Variants in ETS2 observed in about 807,000 individuals in gnomAD.
ETS2 encodes the protein protein C-ets-2.
ETS2 carries 19 observed loss-of-function variants against 54.9 expected under a neutral mutation model. That is an observed-to-expected ratio of 0.35 (90% CI 0.24 to 0.51). The LOEUF (loss-of-function observed/expected upper bound fraction) is 0.51, where lower values mean the gene tolerates loss of function less well. ETS2 is among the 20% of genes least tolerant of loss of function. The pLI is 0.97. For missense variants in ETS2, 417 were observed against 593.0 expected (o/e 0.70, Z 3.08); for synonymous variants, 219 against 229.3 (o/e 0.95, Z 0.41).
chr21:38,822,801 G>T lies in ETS2; in HGVS notation c.1322G>T (p.Arg441Leu), dbSNP rs1242969238. The T allele has an allele frequency of 6.2e-7, 1 of 1,613,822 alleles. No individual in the cohort carries two copies. Residue 441 changes from arginine (R) to leucine (L), a missense_variant, in exon 10 of 10, where the codon CGC (arginine) becomes CTC (leucine). Arg to Leu is a moderately radical substitution (Grantham distance 102). Around this residue, in one of 3 missense-constraint regions of ETS2, gnomAD observed 60 missense variants for 134.1 expected, o/e 0.45. Transcript: ENST00000360938. ...ACGTCGGGGAAGCGCTACGTGTACC[G>T]CTTCGTGTGCGACCTCCAGAACTTG... ...HKTSGKRYVY[R>L]FVCDLQNLLG...
chr21:38,808,733 T>G (rs551183095), intron 1 of ETS2, among the ~76,000 whole-genome samples: 1 of 152,290 alleles, frequency 6.6e-6, no homozygotes, highest in East Asian at 1.9e-4. Flanking sequence ...CCTTTGTTAT[T>G]TCGCCACATC....
At chr21:38,805,380 C>T, upstream of ETS2, 2 of 1,288,910 alleles carry the variant, frequency 1.6e-6, no homozygotes, top group South Asian at 2.5e-5. The surrounding 1 kb of genome is among the most constrained non-coding windows in gnomAD (Gnocchi z 5.2). Context: ...CCTTATTACC[C>T]AAGCCCGGCT....
chr21:38,808,077 G>C (rs985136406), intron 1 of ETS2, among the ~76,000 whole-genome samples: 11 of 152,110 alleles, frequency 7.2e-5, no homozygotes, highest in African/African-American at 2.7e-4. Context: ...ATGTTCTCCC[G>C]GCACAGAGGA....
At chr21:38,812,880 T>TTCCATAAACTG in intron 2 of ETS2, 123 bp from the exon 3 acceptor site, 2 of 657,062 alleles carry the variant, frequency 3.0e-6, no homozygotes, top group Non-Finnish European at 2.8e-6. Flanking sequence ...ATTCCATGTT[T>TTCCATAAACTG]GCTTCAAAAT....
intron 2 of ETS2, among the ~76,000 whole-genome samples, chr21:38,811,526 A>C (rs147401369): frequency 0.013 from 1,914 of 152,326 alleles, 45 homozygotes; most frequent in African/African-American, 0.043. Flanking sequence ...TTGATGACTC[A>C]ACAGATGGGT....
chr21:38,807,007 G>C (rs2060896093), intron 1 of ETS2, among the ~76,000 whole-genome samples: 1 of 152,208 alleles, frequency 6.6e-6, no homozygotes, highest in South Asian at 2.1e-4. Flanking sequence ...TAATTCGCCA[G>C]TAAGAGATTA....
At chr21:38,812,879 T>TGA in intron 2 of ETS2, 124 bp from the exon 3 acceptor site, 2 of 655,968 alleles carry the variant, frequency 3.0e-6, no homozygotes, top group Non-Finnish European at 2.8e-6. Flanking sequence ...GATTCCATGT[T>TGA]TGCTTCAAAA....
At chr21:38,818,753 G>T in intron 7 of ETS2, 107 bp downstream of exon 7, 2 of 1,297,510 alleles carry the variant, frequency 1.5e-6, no homozygotes, top group Non-Finnish European at 2.2e-6. Context: ...CATTAGAGAA[G>T]GGGGTCAAAG....
At chr21:38,813,846 G>A (rs572985719) in intron 3 of ETS2, among the ~76,000 whole-genome samples, 91 of 152,282 alleles carry the variant, frequency 6.0e-4, no homozygotes, top group African/African-American at 1.8e-3. Context: ...TTCCATTACC[G>A]TGCTAAGTGC....
At chr21:38,809,285 C>T (rs1398165772) in intron 1 of ETS2, among the ~76,000 whole-genome samples, 1 of 152,126 alleles carries the variant, frequency 6.6e-6, no homozygotes, top group African/African-American at 2.4e-5. Flanking sequence ...CAAGTGGGTA[C>T]CATATTGCTT....
rs1280673132 is a variant in ETS2, at chr21:38,814,276, C to T, written c.188C>T (p.Ser63Phe). Residue 63 changes from serine to phenylalanine, a missense_variant, in exon 4 of 10, where the codon TCC becomes TTC. This residue lies in a region of ETS2 where 326 missense variants were observed against 426.1 expected (regional missense o/e 0.76). Coordinates refer to ENST00000360938, the MANE Select transcript of ETS2 (RefSeq NM_005239.6). This position sits in a 1 kb window ranked among gnomAD's most constrained non-coding sequence, Gnocchi z 4.2. ...PTGLDSISHD[S>F]ANCELPLLTP... Reference sequence around the variant, plus strand: ...CCCATGGGGGGTTTCCTTCCAGACTCCGCCAACTGTGAATTGCCTTTGTTA... The same window carrying T: ...CCCATGGGGGGTTTCCTTCCAGACTTCGCCAACTGTGAATTGCCTTTGTTA... 3.7e-6 allele frequency: 6 copies of T among 1,613,936 alleles called. No individual in the cohort carries two copies. Among genetic ancestry groups the T allele is most frequent in the Non-Finnish European group, 5.1e-6 (6 of 1,179,966 alleles).
chr21:38,805,250 G>T, upstream of ETS2: 1 of 988,224 alleles, frequency 1.0e-6, no homozygotes, highest in Non-Finnish European at 1.3e-6. This position sits in a 1 kb window ranked among gnomAD's most constrained non-coding sequence, Gnocchi z 5.2. Flanking sequence ...ACGACTCGGG[G>T]ACACAGCCAG....
Position 38,822,992 on chromosome 21 carries a change from G to A in ETS2, c.*103G>A. 1 of 953,268 alleles carries A rather than the reference G, an allele frequency of 1.0e-6. No individual in the cohort carries two copies. Among genetic ancestry groups the A allele is most frequent in the South Asian group, 2.0e-5 (1 of 50,262 alleles). The allele number at this position is 953,268 out of a possible 1,614,324, so 59.1% of individuals were successfully genotyped here. A position where few individuals can be genotyped will look rare whatever the true frequency, so the allele number is the denominator to read the frequency against. ...ACCCAGGAAAGGCAGGATTGAAAAT[G>A]TCCAGGAAAGTGGCCAAGAAGCAGT... On this transcript the variant is annotated 3_prime_UTR_variant, in exon 10 of 10. Coordinates refer to ENST00000360938, the MANE Select transcript of ETS2 (RefSeq NM_005239.6).
intron 6 of ETS2, among the ~76,000 whole-genome samples, chr21:38,818,091 T>C (rs1377786828): frequency 6.6e-6 from 1 of 152,210 alleles, no homozygotes; most frequent in Admixed American, 6.5e-5. Flanking sequence ...GACACGTCAC[T>C]TGGTCTGTCT....
At chr21:38,816,332 A>G (rs1178650045) in intron 5 of ETS2, among the ~76,000 whole-genome samples, 1 of 151,886 alleles carries the variant, frequency 6.6e-6, no homozygotes, top group African/African-American at 2.4e-5. Context: ...AAAGACCCTC[A>G]TTTCTTCTGA....
chr21:38,820,620 G>A (rs2060954114), intron 8 of ETS2, among the ~76,000 whole-genome samples: 2 of 152,180 alleles, frequency 1.3e-5, no homozygotes, highest in South Asian at 4.1e-4. Context: ...AGTTAAGTAG[G>A]CATACAGTCT....
rs778912960 is a variant in ETS2 at position 38,818,496 on chromosome 21, A to G, written c.661A>G (p.Met221Val). The change falls in exon 7 of 10, where the codon ATG becomes GTG. Residue 221 changes from methionine to valine, a missense_variant. By Grantham distance (21) the Met-to-Val change is conservative. This residue lies in a region of ETS2 where 326 missense variants were observed against 426.1 expected (regional missense o/e 0.76). Coordinates refer to ENST00000360938, the MANE Select transcript of ETS2 (RefSeq NM_005239.6). ...CCCCAAAGGCGGCCTCCTGGACAGC[A>G]TGTGTCCGGCCTCCACACCCAGCGT... ...NYPKGGLLDS[M>V]CPASTPSVLS... is the part of the protein sequence containing the mutation. The G allele has an allele frequency of 1.9e-6, 3 of 1,614,062 alleles. No individual in the cohort carries two copies. The highest frequency in any genetic ancestry group is 2.5e-6 in the Non-Finnish European group (3 of 1,180,050).
In ETS2 at chr21:38,806,780, T is replaced by C; in HGVS notation, c.-1+660T>C. On this transcript the variant is annotated intron_variant, in intron 1 of 9. Coordinates refer to ENST00000360938, the MANE Select transcript of ETS2 (RefSeq NM_005239.6). This position sits in a 1 kb window ranked among gnomAD's most constrained non-coding sequence, Gnocchi z 4.3. Reference sequence around the variant, plus strand: ...TGGTTGCGCTGGGCTGCCTTTATTTTCTCGTTCCTACAGCATTTGAATGAA... The same window carrying C: ...TGGTTGCGCTGGGCTGCCTTTATTTCCTCGTTCCTACAGCATTTGAATGAA... 1 of 985,478 alleles carries C rather than the reference T, an allele frequency of 1.0e-6. No homozygotes were observed. The highest frequency in any genetic ancestry group is 1.2e-6 in the Non-Finnish European group (1 of 829,962). 61.0% of individuals were successfully genotyped at this position (985,478 alleles called of 1,614,324 possible).
In ETS2 at chr21:38,817,000, C is replaced by T. The variant is rs2060938041; in HGVS notation, c.506-8C>T. 1.9e-6 allele frequency: 3 copies of T among 1,583,782 alleles called. No homozygotes were observed. The highest frequency in any genetic ancestry group is 2.6e-6 in the Non-Finnish European group (3 of 1,152,518). ...TGCCATCTTACGTCTCCTGTGTCTGCTTTTCAGAAAACCAAGAAAAGACAG... is the reference window on the plus strand; with the variant it reads ...TGCCATCTTACGTCTCCTGTGTCTGTTTTTCAGAAAACCAAGAAAAGACAG... On this transcript the variant is annotated splice_polypyrimidine_tract_variant and splice_region_variant and intron_variant, in intron 5 of 9. Coordinates refer to ENST00000360938, the MANE Select transcript of ETS2 (RefSeq NM_005239.6).
Sources: gnomAD v4.1 joint callset for allele counts (sites outside exome capture counted in the v4.1 genomes callset) on GRCh38, gnomAD v4.1.1 for gene constraint, gnomAD v4.1.1 regional missense constraint, Gnocchi (gnomAD v3.1) non-coding constraint, MANE v1.5 for transcripts, NCBI Gene and HGNC (gene_info 2026-07-23, HGNC 2026-07-21) for gene names.